WNT8B: variants seen among roughly 807,000 people sequenced by gnomAD.
WNT8B encodes protein Wnt-8b.
In WNT8B, 24 loss-of-function variants were observed where a neutral mutation model predicts 36.6. The observed-to-expected ratio is 0.66, with a 90% CI of 0.48 to 0.92. The LOEUF is 0.92. WNT8B is among the 40% of genes least tolerant of loss of function. WNT8B has a pLI of 0.00. For missense variants in WNT8B, 402 were observed against 470.8 expected, an observed-to-expected ratio of 0.85 and a Z score of 1.35; for synonymous variants, 199 against 189.8, an observed-to-expected ratio of 1.05 and a Z score of -0.40.
chr10:100,477,861 C>G (rs11591899), intron 1 of WNT8B, among the ~76,000 whole-genome samples: 1 of 151,334 alleles, frequency 6.6e-6, no homozygotes, highest in Non-Finnish European at 1.5e-5. Context: ...ATTGCAGCCT[C>G]TGCCTCCCAG....
intron 1 of WNT8B, among the ~76,000 whole-genome samples, chr10:100,475,498 A>G (rs1017010643): frequency 6.6e-6 from 1 of 152,230 alleles, no homozygotes; most frequent in African/African-American, 2.4e-5. Context: ...CCTGGATATC[A>G]TACAAATCTT....
intron 1 of WNT8B, among the ~76,000 whole-genome samples, chr10:100,463,804 ATTTAT>A (rs576815155): frequency 5.2e-4 from 79 of 152,346 alleles, no homozygotes; most frequent in Admixed American, 9.8e-4. Flanking sequence ...GTCTCGAGAA[ATTTAT>A]TTAATTTGTT....
At chr10:100,481,889 G>T in intron 4 of WNT8B, 23 bp from the exon 5 acceptor site, 1 of 1,613,508 alleles carries the variant, frequency 6.2e-7, no homozygotes, top group Admixed American at 1.7e-5. Flanking sequence ...TCAATGACCT[G>T]TCCTCCCTCT....
intron 1 of WNT8B, among the ~76,000 whole-genome samples, chr10:100,473,479 C>T (rs1851001080): frequency 1.3e-5 from 2 of 152,198 alleles, no homozygotes; most frequent in Non-Finnish European, 2.9e-5. Context: ...TAGTCAGTTT[C>T]CATGAGATTG....
Position 100,463,984 on chromosome 10 carries a change from C to T in WNT8B, c.68+748C>T, listed in dbSNP as rs564721637. Among the ~76,000 whole-genome samples, 11 of 152,224 alleles carry T rather than the reference C, an allele frequency of 7.2e-5. No homozygotes were observed. The East Asian group carries it at 2.1e-3, about 29-fold the overall frequency. The stretch of plus-strand genomic sequence containing the variant: ...TGCAACTGTTCATTAGCAAATACAC[C>T]AGTACACAATAACATACAGAATGCA... On this transcript the variant is annotated intron_variant, in intron 1 of 5. Coordinates refer to ENST00000343737, the MANE Select transcript of WNT8B (RefSeq NM_003393.4).
chr10:100,481,046 T>G lies in WNT8B; in HGVS notation c.290T>G (p.Met97Arg). ...CATGCCATCAGTTCTGCTGGAGTCA[T>G]GTACACCCTGACTAGAAACTGCAGC... ...FVHAISSAGVMYTLTRNCSLG... is the reference protein window; with the variant it reads ...FVHAISSAGVRYTLTRNCSLG... The change falls in exon 4 of 6, where the codon ATG becomes AGG. Residue 97 changes from methionine (M) to arginine (R), a missense_variant. Physicochemically the swap from Met to Arg is moderately conservative, Grantham distance 91. Transcript: ENST00000343737. 6.2e-7 allele frequency: 1 copy of G among 1,614,070 alleles called. No homozygotes were observed. The highest frequency in any genetic ancestry group is 8.5e-7 in the Non-Finnish European group (1 of 1,180,010).
chr10:100,474,721 C>T (rs1163274941), intron 1 of WNT8B, among the ~76,000 whole-genome samples: 2 of 152,022 alleles, frequency 1.3e-5, no homozygotes, highest in Non-Finnish European at 2.9e-5. Flanking sequence ...TGCATCACCA[C>T]GCCCAGCTAA....
chr10:100,463,310 A>C, intron 1 of WNT8B, 74 bp downstream of exon 1: 2 of 1,446,512 alleles, frequency 1.4e-6, no homozygotes, highest in Non-Finnish European at 1.9e-6. Context: ...AGCTCATTTC[A>C]TTTCCAGAAA....
In WNT8B at chr10:100,482,784, G is replaced by A. The variant is rs773154321; in HGVS notation, c.1024G>A (p.Gly342Ser). 6.3e-7 allele frequency: 1 copy of A among 1,586,396 alleles called. No homozygotes were observed. Among genetic ancestry groups the A allele is most frequent in the Admixed American group, 1.7e-5 (1 of 57,502 alleles). ...TAGCCGCGCAGAGCGGCCGCGGGGG[G>A]GCGCTGCGCACAAACCCGGGAGAAA... The part of the protein sequence containing the change: ...FCSRAERPRG[G>S]AAHKPGRKP The change falls in exon 6 of 6, where the codon GGC becomes AGC. Residue 342 changes from glycine to serine, a missense_variant. Gly to Ser is a moderately conservative substitution (Grantham distance 56, BLOSUM62 0). Coordinates refer to ENST00000343737, the MANE Select transcript of WNT8B (RefSeq NM_003393.4). The surrounding 1 kb of genome is among the most constrained non-coding windows in gnomAD (Gnocchi z 6.6).
At position 100,482,655 on chromosome 10, in the gene WNT8B, G is replaced by C. The variant is rs748584727; in HGVS notation, c.895G>C (p.Glu299Gln). The change falls in exon 6 of 6, where the codon GAG becomes CAG. Residue 299 changes from glutamate (E) to glutamine (Q), a missense_variant. Physicochemically the swap from Glu to Gln is conservative, Grantham distance 29. Coordinates refer to ENST00000343737, the MANE Select transcript of WNT8B (RefSeq NM_003393.4). The surrounding 1 kb of genome is among the most constrained non-coding windows in gnomAD (Gnocchi z 6.6). ...CTGCGGGGACTGCGGGCTGGCGGTG[G>C]AGGAGCGCCGGGCCGAGACCGTGTC... ...RLCGDCGLAV[E>Q]ERRAETVSSC... 1 of 1,606,926 alleles carries C rather than the reference G, an allele frequency of 6.2e-7. No individual in the cohort carries two copies. The highest frequency in any genetic ancestry group is 1.3e-5 in the African/African-American group (1 of 74,874).
chr10:100,463,275 T>C (rs1487146106), intron 1 of WNT8B, 39 bp downstream of exon 1: 20 of 1,576,056 alleles, frequency 1.3e-5, no homozygotes, highest in Non-Finnish European at 1.7e-5. Context: ...TGGGAATAGG[T>C]AAGTGTATGT....
rs1487595839 is a variant in WNT8B at position 100,479,791 on chromosome 10, T to G, written c.103-83T>G. 2.6e-6 allele frequency: 4 copies of G among 1,524,544 alleles called. No individual in the cohort carries two copies. The Admixed American group carries it at 7.6e-5, about 29-fold the overall frequency. The allele number at this position is 1,524,544 out of a possible 1,614,324, so 94.4% of individuals were successfully genotyped here. A position where few individuals can be genotyped will look rare whatever the true frequency, so the allele number is the denominator to read the frequency against. On this transcript the variant is annotated intron_variant, in intron 2 of 5. Coordinates refer to ENST00000343737, the MANE Select transcript of WNT8B (RefSeq NM_003393.4). ...CCATTATTTTGGAGGGATGGGAGAG[T>G]GAGCAGGAAGAGGGCTGTTTGGTCA...
At chr10:100,477,940 C>CTGTTTTTTTT (rs1169521181) in intron 1 of WNT8B, among the ~76,000 whole-genome samples, 15 of 145,158 alleles carry the variant, frequency 1.0e-4, no homozygotes, top group African/African-American at 3.8e-4. Context: ...CCATGCCTAG[C>CTGTTTTTTTT]TATTTTTTTT....
intron 1 of WNT8B, among the ~76,000 whole-genome samples, chr10:100,473,530 A>G (rs1851001706): frequency 6.6e-6 from 1 of 152,222 alleles, no homozygotes; most frequent in Admixed American, 6.5e-5. Flanking sequence ...CATATCATTT[A>G]TGGCCTTTTG....
In WNT8B at chr10:100,483,186, A is replaced by C. The variant is rs371741733; in HGVS notation, c.*370A>C. On this transcript the variant is annotated 3_prime_UTR_variant, in exon 6 of 6. Transcript: ENST00000343737. The stretch of plus-strand genomic sequence containing the variant: ...CTTCTCAGACACGCAGGACCCAGGT[A>C]AAGTCAAAGCTTTGCCCTTTTGCCC... 6.3e-5 allele frequency: 13 copies of C among 207,278 alleles called. 1 individual carries two copies. The highest frequency in any genetic ancestry group is 2.8e-4 in the African/African-American group (12 of 43,452). The allele number at this position is 207,278 out of a possible 1,614,324, so 12.8% of individuals were successfully genotyped here. A position where few individuals can be genotyped will look rare whatever the true frequency, so the allele number is the denominator to read the frequency against.
At position 100,483,411 on chromosome 10, in the gene WNT8B, G is replaced by A. The variant is rs1219284678; in HGVS notation, c.*595G>A. On this transcript the variant is annotated 3_prime_UTR_variant, in exon 6 of 6. Transcript: ENST00000343737. ...GTTCCTAGAGGCAGAGGTTGAAGAT[G>A]GAAGAGGGAGCTCTGGAGTGCTAAC... The A allele has an allele frequency of 6.6e-6, 1 of 152,244 alleles. No homozygotes were observed. Among genetic ancestry groups the A allele is most frequent in the Non-Finnish European group, 1.5e-5 (1 of 68,080 alleles). 9.4% of individuals were successfully genotyped at this position (152,244 alleles called of 1,614,324 possible). A position where few individuals can be genotyped will look rare whatever the true frequency, so the allele number is the denominator to read the frequency against.
chr10:100,479,287 A>G (rs1851079912), intron 2 of WNT8B, among the ~76,000 whole-genome samples: 1 of 152,230 alleles, frequency 6.6e-6, no homozygotes, highest in Non-Finnish European at 1.5e-5. Context: ...ATAAGAACGC[A>G]GGAGCACTGA....
At chr10:100,473,540 G>GT (rs1296017026) in intron 1 of WNT8B, among the ~76,000 whole-genome samples, 2 of 152,146 alleles carry the variant, frequency 1.3e-5, no homozygotes, top group Non-Finnish European at 2.9e-5. Flanking sequence ...ATGGCCTTTT[G>GT]TGTCTGGCTT....
intron 1 of WNT8B, among the ~76,000 whole-genome samples, chr10:100,476,439 A>G (rs1431719099): frequency 6.6e-6 from 1 of 152,156 alleles, no homozygotes; most frequent in Admixed American, 6.5e-5. Context: ...TTCAAAAACT[A>G]CTCACATTTT....
Sources: allele counts gnomAD v4.1 joint callset (sites outside exome capture counted in the v4.1 genomes callset), GRCh38; gene constraint gnomAD v4.1.1; non-coding constraint Gnocchi (gnomAD v3.1); transcripts MANE v1.5; gene names NCBI Gene and HGNC (gene_info 2026-07-23, HGNC 2026-07-21).